CUL4A: variants seen among roughly 807,000 people sequenced by gnomAD.
CUL4A encodes the protein cullin 4A.
Under a neutral mutation model 95.5 loss-of-function variants are expected in CUL4A, and 16 were observed. That is an observed-to-expected ratio of 0.17 (90% confidence interval 0.11 to 0.25). The LOEUF (loss-of-function observed/expected upper bound fraction) is 0.25. CUL4A is among the 10% of genes least tolerant of loss of function. The probability of loss-of-function intolerance (pLI) is 1.00; values close to 1 mark genes in which losing one functional copy is unlikely to be tolerated. For missense variants in CUL4A, 610 were observed against 937.0 expected, an observed-to-expected ratio of 0.65 and a Z score of 4.56; for synonymous variants, 380 against 353.1, an observed-to-expected ratio of 1.08 and a Z score of -0.85.
At chr13:113,221,008 C>T (rs969839765) in intron 3 of CUL4A, among the ~76,000 whole-genome samples, 6 of 152,190 alleles carry the variant, frequency 3.9e-5, no homozygotes, top group Non-Finnish European at 5.9e-5. Flanking sequence ...TTGAGAACTG[C>T]GCGTCAGGCC....
chr13:113,218,082 C>T lies in CUL4A; in HGVS notation c.265-863C>T, dbSNP rs114828475. 7.5e-3 allele frequency among the ~76,000 whole-genome samples: 1,142 copies of T among 152,212 alleles called. 18 individuals are homozygous for T. The highest frequency in any genetic ancestry group is 0.026 in the African/African-American group (1,067 of 41,538). On this transcript the variant is annotated intron_variant, in intron 2 of 19. Coordinates refer to ENST00000375440, the MANE Select transcript of CUL4A (RefSeq NM_001008895.4). ...CGAAACCCCTCCTCTACTGAAAATA[C>T]AAAAATTAACCTGTGCGTGGTGGCA... is the stretch of plus-strand genomic sequence containing the variant.
In CUL4A at chr13:113,246,095, C is replaced by T. The variant is rs116076280; in HGVS notation, c.1638+32C>T. The T allele has an allele frequency of 1.4e-3, 2,049 of 1,508,272 alleles. 11 individuals carry two copies. In the African/African-American group the frequency reaches 0.017, roughly 12 times the overall value. The allele number at this position is 1,508,272 out of a possible 1,614,324, so 93.4% of individuals were successfully genotyped here. On this transcript the variant is annotated intron_variant, in intron 15 of 19. Transcript: ENST00000375440. ...GTGCAGAAAGCATGCTGTCCGCTCC[C>T]GCTGTCATGCCCTTACCAGGCACAG...
intron 15 of CUL4A, among the ~76,000 whole-genome samples, chr13:113,252,445 C>T (rs1176804627): frequency 2.6e-5 from 4 of 152,130 alleles, no homozygotes; most frequent in African/African-American, 9.7e-5. Flanking sequence ...GACACTGAGG[C>T]AGGTGGATCA....
intron 3 of CUL4A, among the ~76,000 whole-genome samples, chr13:113,221,596 T>G (rs943606132): frequency 2.6e-5 from 4 of 152,190 alleles, no homozygotes; most frequent in African/African-American, 9.7e-5. Flanking sequence ...TTTATTTTTG[T>G]GAGATGGAGT....
intron 2 of CUL4A, among the ~76,000 whole-genome samples, chr13:113,212,691 C>T (rs1392881471): frequency 3.9e-5 from 6 of 152,160 alleles, no homozygotes; most frequent in East Asian, 1.9e-4. Flanking sequence ...AGGCTGAGGC[C>T]GGAGAATCGC....
intron 3 of CUL4A, chr13:113,219,377 C>T (rs535586805): frequency 2.7e-5 from 6 of 219,652 alleles, no homozygotes; most frequent in African/African-American, 1.2e-4. Context: ...ATCGACTTGG[C>T]GACTTATGGA....
intron 8 of CUL4A, among the ~76,000 whole-genome samples, 195 bp downstream of exon 8, chr13:113,235,340 T>G (rs2041504087): frequency 6.6e-6 from 1 of 152,276 alleles, no homozygotes; most frequent in South Asian, 2.1e-4. Context: ...TGCCTTGTCA[T>G]GAGTTACGTC....
intron 10 of CUL4A, among the ~76,000 whole-genome samples, chr13:113,241,872 A>G (rs2041722321): frequency 6.6e-6 from 1 of 152,130 alleles, no homozygotes; most frequent in Admixed American, 6.5e-5. Context: ...GTGTGAGTGC[A>G]CATGTGCATT....
intron 10 of CUL4A, among the ~76,000 whole-genome samples, chr13:113,241,013 C>T (rs913015839): frequency 1.3e-5 from 2 of 152,170 alleles, no homozygotes; most frequent in African/African-American, 4.8e-5. Flanking sequence ...AAAGATAAAG[C>T]TTACATGCTG....
upstream of CUL4A, chr13:113,208,627 T>C (rs777852240): frequency 3.7e-6 from 6 of 1,607,584 alleles, no homozygotes; most frequent in East Asian, 4.5e-5. Context: ...AATGGTAATG[T>C]GCGCCATGGG....
chr13:113,232,948 C>T (rs987495543), intron 5 of CUL4A, among the ~76,000 whole-genome samples: 4 of 152,142 alleles, frequency 2.6e-5, no homozygotes, highest in Non-Finnish European at 4.4e-5. Context: ...CATGCATGAC[C>T]TAGCAGCGTC....
In CUL4A at chr13:113,255,002, A is replaced by C. The variant is rs767538007; in HGVS notation, c.1908A>C (p.Ala636=). 6.8e-6 allele frequency: 11 copies of C among 1,614,220 alleles called. No individual in the cohort carries two copies. Among genetic ancestry groups the C allele is most frequent in the Non-Finnish European group, 9.3e-6 (11 of 1,180,030 alleles). ...RTLQSLACGK[A]RVLIKSPKGK... Reference sequence around the variant, plus strand: ...TGCAGTCCCTGGCCTGTGGCAAAGCACGTGTGCTGATTAAAAGTCCCAAAG... The same window carrying C: ...TGCAGTCCCTGGCCTGTGGCAAAGCCCGTGTGCTGATTAAAAGTCCCAAAG... The change falls in exon 18 of 20, where the codon GCA becomes GCC. Residue 636 remains alanine (A), a synonymous_variant. Coordinates refer to ENST00000375440, the MANE Select transcript of CUL4A (RefSeq NM_001008895.4).
At chr13:113,224,529 C>T (rs911788084) in intron 3 of CUL4A, among the ~76,000 whole-genome samples, 8 of 152,336 alleles carry the variant, frequency 5.3e-5, no homozygotes, top group Admixed American at 1.3e-4. Context: ...GGGAAGGGCA[C>T]GGGAGTGAGC....
intron 9 of CUL4A, among the ~76,000 whole-genome samples, chr13:113,237,268 G>A (rs890509206): frequency 2.0e-5 from 3 of 152,186 alleles, no homozygotes; most frequent in Non-Finnish European, 2.9e-5. Flanking sequence ...GGAGCTGTTC[G>A]GGCTGTTAGA....
chr13:113,228,069 A>G, intron 4 of CUL4A, 24 bp downstream of exon 4: 1 of 1,565,868 alleles, frequency 6.4e-7, no homozygotes, highest in Non-Finnish European at 8.8e-7. Context: ...CTTTTTCATC[A>G]AAACACGACC....
chr13:113,211,672 A>C (rs2040451353), intron 2 of CUL4A, among the ~76,000 whole-genome samples: 1 of 152,182 alleles, frequency 6.6e-6, no homozygotes, highest in African/African-American at 2.4e-5. Flanking sequence ...AGCATAAGCC[A>C]CCGCGCCTGG....
intron 4 of CUL4A, 128 bp from the exon 5 acceptor site, chr13:113,229,318 C>T (rs2041225697): frequency 1.4e-6 from 1 of 690,286 alleles, no homozygotes; most frequent in Non-Finnish European, 2.5e-6. Flanking sequence ...AAAAATAAAA[C>T]ATGAGGGCTG....
At chr13:113,243,804 T>C (rs543131158) in intron 11 of CUL4A, among the ~76,000 whole-genome samples, 1 of 152,322 alleles carries the variant, frequency 6.6e-6, no homozygotes, top group Admixed American at 6.5e-5. Context: ...GGCAGTTTAC[T>C]TTGGCTTTTG....
rs1364318590 is a variant in CUL4A, at chr13:113,239,561, GGGTTTTGAGGCCGCGGGCGT to G, written c.1035+13_1035+32del. On this transcript the variant is annotated intron_variant, in intron 10 of 19. Transcript: ENST00000375440. ...GAGCGAGTACATCAAGGTACTGGCGGGGTTTTGAGGCCGCGGGCGTGGGCATTCCCTGCAGGGAGCAGAGC... is the reference window on the plus strand; with the variant it reads ...GAGCGAGTACATCAAGGTACTGGCGGGGGCATTCCCTGCAGGGAGCAGAGC... 2 of 1,598,854 alleles carry G rather than the reference GGGTTTTGAGGCCGCGGGCGT, an allele frequency of 1.3e-6. No individual in the cohort carries two copies. The highest frequency in any genetic ancestry group is 1.7e-6 in the Non-Finnish European group (2 of 1,170,286).
Sources: gnomAD v4.1 joint callset for allele counts (sites outside exome capture counted in the v4.1 genomes callset) on GRCh38, gnomAD v4.1.1 for gene constraint, MANE v1.5 for transcripts, NCBI Gene and HGNC (gene_info 2026-07-23, HGNC 2026-07-21) for gene names.